Variants in GGTLC2 observed in about 807,000 individuals in gnomAD.
GGTLC2 encodes the protein gamma-glutamyltransferase light chain 2.
In GGTLC2, 13 loss-of-function variants were observed where a neutral mutation model predicts 20.2. The observed-to-expected ratio is 0.64, with a 90% CI of 0.42 to 1.02. GGTLC2 has a LOEUF of 1.02. GGTLC2 is among the 50% of genes least tolerant of loss of function. GGTLC2 has a pLI of 0.00. For missense variants in GGTLC2, 202 were observed against 301.3 expected, an observed-to-expected ratio of 0.67 and a Z score of 2.44; for synonymous variants, 89 against 125.5, an observed-to-expected ratio of 0.71 and a Z score of 1.94.
chr22:22,647,827 C>G lies in GGTLC2; in HGVS notation c.*86C>G. 6.3e-7 allele frequency: 1 copy of G among 1,593,660 alleles called. No homozygotes were observed. The highest frequency in any genetic ancestry group is 8.5e-7 in the Non-Finnish European group (1 of 1,170,566). The stretch of plus-strand genomic sequence containing the variant: ...AAGGGGACTCTGGGGGACTGGCTTC[C>G]CCTGTGAGCAGCAGAGCAGCACAAT... On this transcript the variant is annotated 3_prime_UTR_variant, in exon 6 of 6. Coordinates refer to ENST00000448514, the MANE Select transcript of GGTLC2 (RefSeq NM_199127.3).
At position 22,645,655 on chromosome 22, in the gene GGTLC2, G is replaced by C. The variant is rs181421548; in HGVS notation, c.-34-657G>C. Among the ~76,000 whole-genome samples the C allele has an allele frequency of 5.0e-3, 740 of 148,284 alleles. 5 individuals carry two copies. Among genetic ancestry groups the C allele is most frequent in the East Asian group, 7.6e-3 (36 of 4,756 alleles). ...ACCCTGTGAAAACACTCCCCAGCCT[G>C]CTCATTCTTCTGCCCTAAGCCTGCA... On this transcript the variant is annotated intron_variant, in intron 1 of 5. Transcript: ENST00000448514.
chr22:22,646,851 C>A lies in GGTLC2; in HGVS notation c.274C>A (p.Pro92Thr). 1 of 1,613,226 alleles carries A rather than the reference C, an allele frequency of 6.2e-7. No individual in the cohort carries two copies. Among genetic ancestry groups the A allele is most frequent in the East Asian group, 2.2e-5 (1 of 44,704 alleles). Residue 92 changes from proline (P) to threonine (T), a missense_variant, in exon 3 of 6, where the codon CCC becomes ACC. Physicochemically the swap from Pro to Thr is conservative, Grantham distance 38. Transcript: ENST00000448514. ...SPNITNEFGV[P>T]PSPANFIQPG... ...CAACATCACCAACGAGTTTGGGGTGCCCCCCTCACCTGCCAATTTCATCCA... is the reference window on the plus strand; with the variant it reads ...CAACATCACCAACGAGTTTGGGGTGACCCCCTCACCTGCCAATTTCATCCA...
rs1457695674 is a variant in GGTLC2 at position 22,646,760 on chromosome 22, C to T, written c.183C>T (p.Gly61=). ...SATSTINLYF[G]SKVRSPVSEI... ...TGACCTGGCTGGGCGGTAGCTTTGG[C>T]TCCAAGGTCCGCTCCCCGGTCAGCG... The change falls in exon 3 of 6, where the codon GGC becomes GGT. Residue 61 remains glycine, a synonymous_variant. Coordinates refer to ENST00000448514, the MANE Select transcript of GGTLC2 (RefSeq NM_199127.3). 6.2e-7 allele frequency: 1 copy of T among 1,609,828 alleles called. No individual in the cohort carries two copies. The highest frequency in any genetic ancestry group is 2.2e-5 in the East Asian group (1 of 44,712).
intron 1 of GGTLC2, among the ~76,000 whole-genome samples, chr22:22,645,628 G>A (rs1487068523): frequency 6.6e-6 from 1 of 150,660 alleles, no homozygotes; most frequent in Admixed American, 6.6e-5. Flanking sequence ...GCTGCCAGAG[G>A]GACCCTGTGA....
chr22:22,644,882 CTTTTTTTT>C (rs1180593782), intron 1 of GGTLC2, among the ~76,000 whole-genome samples, 174 bp downstream of exon 1: 1 of 32,536 alleles, frequency 3.1e-5, no homozygotes, highest in Non-Finnish European at 4.8e-5. Flanking sequence ...CAGACTCTCT[CTTTTTTTT>C]TTTTTTTTTT....
chr22:22,645,913 T>G (rs991554941), intron 1 of GGTLC2, among the ~76,000 whole-genome samples: 1 of 151,234 alleles, frequency 6.6e-6, no homozygotes, highest in Non-Finnish European at 1.5e-5. Context: ...TGCCCATACC[T>G]CATGCCTCTT....
intron 5 of GGTLC2, 151 bp downstream of exon 5, chr22:22,647,441 C>T: frequency 1.0e-6 from 1 of 982,392 alleles, no homozygotes; most frequent in Admixed American, 2.4e-5. Flanking sequence ...GGGCCAAGCC[C>T]CCTGCTCCAG....
rs1178409123 is a variant in GGTLC2 at position 22,646,343 on chromosome 22, A to G, written c.-3A>G. 3 of 1,247,514 alleles carry G rather than the reference A, an allele frequency of 2.4e-6. No homozygotes were observed. The African/African-American group carries it at 4.9e-5, about 21-fold the overall frequency. The allele number at this position is 1,247,514 out of a possible 1,614,324, so 77.3% of individuals were successfully genotyped here. ...TCTGGGGTCTCGGCAGGTGGTCCAC[A>G]ACATGACCTCTGAGTTCTTCGCTGC... On this transcript the variant is annotated 5_prime_UTR_variant, in exon 2 of 6. Coordinates refer to ENST00000448514, the MANE Select transcript of GGTLC2 (RefSeq NM_199127.3).
chr22:22,646,471 C>T lies in GGTLC2; in HGVS notation c.126C>T (p.Val42=), dbSNP rs750799642. 25 of 1,552,000 alleles carry T rather than the reference C, an allele frequency of 1.6e-5. No homozygotes were observed. The highest frequency in any genetic ancestry group is 5.5e-5 in the Admixed American group (3 of 54,696). Residue 42 remains valine, a synonymous_variant, in exon 2 of 6, where the codon GTC becomes GTT. Coordinates refer to ENST00000448514, the MANE Select transcript of GGTLC2 (RefSeq NM_199127.3). ...PVDGGTAHLS[V]VAEDGSAVSA... is the part of the protein sequence containing the mutation. ...ATGGGGGCACTGCTCACCTGTCTGT[C>T]GTCGCAGAGGACGGCAGTGCTGTGT...
At position 22,646,808 on chromosome 22, in the gene GGTLC2, G is replaced by A; in HGVS notation, c.231G>A (p.Met77Ile). 6.2e-7 allele frequency: 1 copy of A among 1,612,084 alleles called. No homozygotes were observed. The highest frequency in any genetic ancestry group is 8.5e-7 in the Non-Finnish European group (1 of 1,178,728). ...GCGAGATCCTGTTCAATGATGAAATGGATGACTTCAGCTCTCCCAACATCA... is the reference window on the plus strand; with the variant it reads ...GCGAGATCCTGTTCAATGATGAAATAGATGACTTCAGCTCTCCCAACATCA... ...PVSEILFNDEMDDFSSPNITN... is the reference protein window; with the variant it reads ...PVSEILFNDEIDDFSSPNITN... Residue 77 changes from methionine (M) to isoleucine (I), a missense_variant, in exon 3 of 6, where the codon ATG becomes ATA. Physicochemically the swap from Met to Ile is conservative, Grantham distance 10 (BLOSUM62 1). Transcript: ENST00000448514.
At chr22:22,645,420 G>T (rs200165992) in intron 1 of GGTLC2, among the ~76,000 whole-genome samples, 1 of 147,664 alleles carries the variant, frequency 6.8e-6, no homozygotes, top group African/African-American at 2.5e-5. Flanking sequence ...TTTTTTATAC[G>T]TGCACCCATG....
Position 22,646,743 on chromosome 22 carries a change from C to T in GGTLC2, c.177-11C>T. 1 of 1,608,590 alleles carries T rather than the reference C, an allele frequency of 6.2e-7. No homozygotes were observed. Among genetic ancestry groups the T allele is most frequent in the East Asian group, 2.2e-5 (1 of 44,708 alleles). On this transcript the variant is annotated splice_polypyrimidine_tract_variant and intron_variant, in intron 2 of 5. Coordinates refer to ENST00000448514, the MANE Select transcript of GGTLC2 (RefSeq NM_199127.3). ...CAAGGTCAGGTGCTGTCTGACCTGG[C>T]TGGGCGGTAGCTTTGGCTCCAAGGT...
Position 22,646,471 on chromosome 22 carries a change from C to G in GGTLC2, c.126C>G (p.Val42=). 5 of 1,552,000 alleles carry G rather than the reference C, an allele frequency of 3.2e-6. No individual in the cohort carries two copies. The highest frequency in any genetic ancestry group is 4.4e-6 in the Non-Finnish European group (5 of 1,141,728). Residue 42 remains valine (V), a synonymous_variant, in exon 2 of 6, where the codon GTC becomes GTG. Transcript: ENST00000448514. ...ATGGGGGCACTGCTCACCTGTCTGT[C>G]GTCGCAGAGGACGGCAGTGCTGTGT... ...PVDGGTAHLS[V]VAEDGSAVSA...
intron 4 of GGTLC2, 28 bp downstream of exon 4, chr22:22,647,066 G>T (rs374411768): frequency 1.2e-6 from 2 of 1,611,682 alleles, no homozygotes; most frequent in African/African-American, 1.3e-5. Flanking sequence ...AGCTGCTGGG[G>T]GCACACAGAT....
At chr22:22,645,059 A>C (rs1165453101) in intron 1 of GGTLC2, among the ~76,000 whole-genome samples, 4 of 146,938 alleles carry the variant, frequency 2.7e-5, no homozygotes, top group Admixed American at 6.8e-5. Flanking sequence ...CACCCGGCTA[A>C]TTTTTTGTAT....
In GGTLC2 at chr22:22,647,216, C is replaced by T. The variant is rs372380978; in HGVS notation, c.436C>T (p.Arg146Trp). Residue 146 changes from arginine (R) to tryptophan (W), a missense_variant, in exon 5 of 6, where the codon CGG becomes TGG. Coordinates refer to ENST00000448514, the MANE Select transcript of GGTLC2 (RefSeq NM_199127.3). ...YNLWFGYDVK[R>W]AVEEPRLHNQ... ...CCTCTGGTTCGGCTATGACGTGAAG[C>T]GGGCCGTGGAGGAGCCCCGGCTGCA... 6.2e-6 allele frequency: 10 copies of T among 1,611,282 alleles called. No individual in the cohort carries two copies. The highest frequency in any genetic ancestry group is 4.5e-5 in the East Asian group (2 of 44,772).
In GGTLC2 at chr22:22,646,528, G is replaced by A. The variant is rs2064093703; in HGVS notation, c.176+7G>A. ...CCAGCACCATCAACCTCTAGTAGGG[G>A]CTGCTGGGCCGCCTGGGTGGGAAAG... On this transcript the variant is annotated splice_region_variant and intron_variant, in intron 2 of 5. Transcript: ENST00000448514. 1 of 1,550,854 alleles carries A rather than the reference G, an allele frequency of 6.4e-7. No homozygotes were observed. The highest frequency in any genetic ancestry group is 1.4e-5 in the African/African-American group (1 of 73,490).
In GGTLC2 at chr22:22,646,876, A is replaced by G. The variant is rs2064113325; in HGVS notation, c.299A>G (p.Gln100Arg). 6 of 1,607,916 alleles carry G rather than the reference A, an allele frequency of 3.7e-6. No homozygotes were observed. In the African/African-American group the frequency reaches 5.4e-5, roughly 14 times the overall value. ...GVPPSPANFIQPGKQPLSSMC... is the reference protein window; with the variant it reads ...GVPPSPANFIRPGKQPLSSMC... ...CCCCCCTCACCTGCCAATTTCATCC[A>G]GCCAGGTATGGGGTGGAGGTCTGGG... Residue 100 changes from glutamine (Q) to arginine (R), a missense_variant, in exon 3 of 6, where the codon CAG becomes CGG. By Grantham distance (43) the Gln-to-Arg change is conservative. This residue lies in a region of GGTLC2 where 71 missense variants were observed against 63.0 expected (regional missense o/e 1.13). Transcript: ENST00000448514.
Position 22,646,878 on chromosome 22 carries a change from C to A in GGTLC2, c.301C>A (p.Pro101Thr), listed in dbSNP as rs1255789091. The change falls in exon 3 of 6, where the codon CCA becomes ACA. Residue 101 changes from proline to threonine, a missense_variant. Coordinates refer to ENST00000448514, the MANE Select transcript of GGTLC2 (RefSeq NM_199127.3). ...CCCCTCACCTGCCAATTTCATCCAG[C>A]CAGGTATGGGGTGGAGGTCTGGGGA... Reference protein sequence around the residue: ...VPPSPANFIQPGKQPLSSMCP... With the variant: ...VPPSPANFIQTGKQPLSSMCP... 1 of 1,613,204 alleles carries A rather than the reference C, an allele frequency of 6.2e-7. No individual in the cohort carries two copies. The highest frequency in any genetic ancestry group is 1.1e-5 in the South Asian group (1 of 91,044).
Sources: gnomAD v4.1 joint callset for allele counts (sites outside exome capture counted in the v4.1 genomes callset) on GRCh38, gnomAD v4.1.1 for gene constraint, gnomAD v4.1.1 regional missense constraint, MANE v1.5 for transcripts, NCBI Gene and HGNC (gene_info 2026-07-23, HGNC 2026-07-21) for gene names.